KCND2: variants seen among roughly 807,000 people sequenced by gnomAD.
The protein encoded by KCND2 is A-type voltage-gated potassium channel KCND2.
Under a neutral mutation model 54.4 loss-of-function variants are expected in KCND2, and 16 were observed. The ratio of observed to expected loss-of-function variants is 0.29; its 90% CI spans 0.20 to 0.45. KCND2 has a LOEUF of 0.45. KCND2 is among the 20% of genes least tolerant of loss of function. The pLI is 1.00. For synonymous variants in KCND2, 317 were observed against 310.7 expected, an observed-to-expected ratio of 1.02 and a Z score of -0.21; for missense variants, 486 against 824.2, an observed-to-expected ratio of 0.59 and a Z score of 5.02.
chr7:120,463,899 A>T (rs1802324539), intron 1 of KCND2: 2 of 183,640 alleles, frequency 1.1e-5, no homozygotes, highest in South Asian at 3.8e-4. Context: ...TAGATAGATG[A>T]TTGATAGATA....
intron 1 of KCND2, among the ~76,000 whole-genome samples, chr7:120,484,994 C>T (rs2116287904): frequency 6.6e-6 from 1 of 152,196 alleles, no homozygotes; most frequent in Non-Finnish European, 1.5e-5. Flanking sequence ...TCAAGTGATC[C>T]TCCTGCCTCA....
rs375230471 is a variant in KCND2, at chr7:120,390,210, TA to T, written c.1115+114467del. On this transcript the variant is annotated intron_variant, in intron 1 of 5. Transcript: ENST00000331113. ...ATAATATATTCTTTGTTCATAAGGATAAAATTTTTACTACCTGGTTCCATAA... is the reference window on the plus strand; with the variant it reads ...ATAATATATTCTTTGTTCATAAGGATAAATTTTTACTACCTGGTTCCATAA... Among the ~76,000 whole-genome samples, 980 of 152,060 alleles carry T rather than the reference TA, an allele frequency of 6.4e-3. 16 individuals carry two copies. The highest frequency in any genetic ancestry group is 0.023 in the African/African-American group (938 of 41,532).
At chr7:120,642,869 A>G (rs1195066470) in intron 1 of KCND2, among the ~76,000 whole-genome samples, 1 of 152,236 alleles carries the variant, frequency 6.6e-6, no homozygotes, top group African/African-American at 2.4e-5. Flanking sequence ...CAAAACAACT[A>G]AGGCTTTAAC....
chr7:120,521,652 G>A (rs569404194), intron 1 of KCND2, among the ~76,000 whole-genome samples: 220 of 152,220 alleles, frequency 1.4e-3, no homozygotes, highest in African/African-American at 4.9e-3. Flanking sequence ...GTGCTGTTGT[G>A]AGATTCAAAT....
intron 1 of KCND2, among the ~76,000 whole-genome samples, chr7:120,489,713 C>T (rs568638793): frequency 7.2e-4 from 110 of 152,234 alleles, no homozygotes; most frequent in Middle Eastern, 6.8e-3. Context: ...AGTGGTATTT[C>T]ATTCAGTTAA....
At chr7:120,690,396 A>G (rs1409054031) in intron 1 of KCND2, among the ~76,000 whole-genome samples, 1 of 152,200 alleles carries the variant, frequency 6.6e-6, no homozygotes, top group Non-Finnish European at 1.5e-5. Context: ...AGAGGTCCTG[A>G]CCTTAAGTAT....
chr7:120,581,955 C>T (rs936655167), intron 1 of KCND2, among the ~76,000 whole-genome samples: 2 of 152,080 alleles, frequency 1.3e-5, no homozygotes, highest in Admixed American at 1.3e-4. Flanking sequence ...CTCAAGTCAT[C>T]CACCCGCCTC....
intron 1 of KCND2, among the ~76,000 whole-genome samples, chr7:120,520,527 A>G (rs891108600): frequency 2.0e-5 from 3 of 152,092 alleles, no homozygotes; most frequent in African/African-American, 7.2e-5. Context: ...GAAATGGTGA[A>G]TAAAAGGAAA....
At chr7:120,561,776 T>C (rs2116411366) in intron 1 of KCND2, among the ~76,000 whole-genome samples, 1 of 152,110 alleles carries the variant, frequency 6.6e-6, no homozygotes, top group African/African-American at 2.4e-5. Context: ...CACATCTGAC[T>C]AATTTTTTTG....
In KCND2 at chr7:120,583,788, G is replaced by T. The variant is rs113465038; in HGVS notation, c.1116-149115G>T. 8.0e-5 allele frequency among the ~76,000 whole-genome samples: 12 copies of T among 149,756 alleles called. No homozygotes were observed. The East Asian group carries it at 1.8e-3, about 23-fold the overall frequency. ...AGGAATTCAGCATAGGAATTGTGGGGGGGGGGACAAAATTCAGCACATAAA... is the reference window on the plus strand; with the variant it reads ...AGGAATTCAGCATAGGAATTGTGGGTGGGGGGACAAAATTCAGCACATAAA... On this transcript the variant is annotated intron_variant, in intron 1 of 5. Transcript: ENST00000331113.
At chr7:120,321,758 G>A (rs188126324) in intron 1 of KCND2, among the ~76,000 whole-genome samples, 3 of 152,024 alleles carry the variant, frequency 2.0e-5, no homozygotes, top group Admixed American at 6.6e-5. Context: ...TGTCCAACAC[G>A]CTTGCTGTTC....
chr7:120,547,409 C>T (rs1428087714), intron 1 of KCND2, among the ~76,000 whole-genome samples: 1 of 151,896 alleles, frequency 6.6e-6, no homozygotes, highest in Non-Finnish European at 1.5e-5. Context: ...CATATTGTCC[C>T]TGAGCCTCCA....
At chr7:120,709,379 A>G (rs965801659) in intron 1 of KCND2, among the ~76,000 whole-genome samples, 3 of 152,176 alleles carry the variant, frequency 2.0e-5, no homozygotes, top group Non-Finnish European at 4.4e-5. Context: ...TTCTTATTTC[A>G]TAACTTGGAT....
chr7:120,699,345 G>T (rs1792372401), intron 1 of KCND2, among the ~76,000 whole-genome samples: 1 of 152,056 alleles, frequency 6.6e-6, no homozygotes, highest in Admixed American at 6.5e-5. Context: ...ATTTGCAAAG[G>T]TTAAGGAAAC....
chr7:120,384,998 CTTTTT>C (rs372225817), intron 1 of KCND2, among the ~76,000 whole-genome samples: 4 of 82,512 alleles, frequency 4.8e-5, no homozygotes, highest in Non-Finnish European at 8.4e-5. Flanking sequence ...TTGTATATAA[CTTTTT>C]TTTTTTTTTT....
intron 1 of KCND2, among the ~76,000 whole-genome samples, chr7:120,611,406 T>C (rs1005668474): frequency 2.4e-4 from 36 of 152,264 alleles, no homozygotes; most frequent in Admixed American, 1.2e-3. Flanking sequence ...GATCCAGCCA[T>C]GGGAGATATG....
intron 1 of KCND2, among the ~76,000 whole-genome samples, chr7:120,293,056 A>G (rs1162510352): frequency 6.6e-6 from 1 of 151,942 alleles, no homozygotes; most frequent in African/African-American, 2.4e-5. Flanking sequence ...TTGAAATGCT[A>G]TAAAACCTTT....
At chr7:120,655,445 G>A (rs919005516) in intron 1 of KCND2, among the ~76,000 whole-genome samples, 1 of 151,984 alleles carries the variant, frequency 6.6e-6, no homozygotes, top group African/African-American at 2.4e-5. Flanking sequence ...ATACTATAGT[G>A]ATTACTCCTT....
chr7:120,334,446 C>T (rs1256477880), intron 1 of KCND2, among the ~76,000 whole-genome samples: 1 of 152,148 alleles, frequency 6.6e-6, no homozygotes, highest in East Asian at 1.9e-4. Flanking sequence ...GGGATAGATC[C>T]TCTATGTTTC....
Sources: allele counts gnomAD v4.1 joint callset (sites outside exome capture counted in the v4.1 genomes callset), GRCh38; gene constraint gnomAD v4.1.1; transcripts MANE v1.5; gene names NCBI Gene and HGNC (gene_info 2026-07-23, HGNC 2026-07-21).